The following USPL1 variants were observed in gnomAD, a reference collection of about 807,000 sequenced individuals.
USPL1 encodes the protein ubiquitin specific peptidase like 1.
In USPL1, 27 loss-of-function variants were observed where a neutral mutation model predicts 51.5. The observed-to-expected ratio is 0.52, with a 90% CI of 0.39 to 0.72. The LOEUF is 0.72. Among genes scored for constraint, USPL1 ranks in the 30% least tolerant of loss-of-function variants. USPL1 has a pLI of 0.00. For missense variants in USPL1, 1,226 were observed against 1,268.0 expected, an observed-to-expected ratio of 0.97 and a Z score of 0.50; for synonymous variants, 451 against 459.6, an observed-to-expected ratio of 0.98 and a Z score of 0.24.
At chr13:30,631,722 T>G (rs894917958) in intron 4 of USPL1, among the ~76,000 whole-genome samples, 17 of 152,246 alleles carry the variant, frequency 1.1e-4, no homozygotes, top group Non-Finnish European at 2.2e-4. Flanking sequence ...ATTTCCTGGG[T>G]GCAAGCACCC....
intron 7 of USPL1, among the ~76,000 whole-genome samples, chr13:30,651,575 A>G (rs1951092468): frequency 6.6e-6 from 1 of 152,234 alleles, no homozygotes; most frequent in Non-Finnish European, 1.5e-5. Flanking sequence ...AACTAGTGAG[A>G]TTTCATATTC....
intron 3 of USPL1, among the ~76,000 whole-genome samples, chr13:30,628,285 T>G (rs1261286155): frequency 6.6e-6 from 1 of 152,120 alleles, no homozygotes; most frequent in Non-Finnish European, 1.5e-5. Flanking sequence ...CTTATTTCAC[T>G]TGGCATAATG....
chr13:30,655,179 C>T (rs919898529), intron 8 of USPL1, among the ~76,000 whole-genome samples: 32 of 152,224 alleles, frequency 2.1e-4, no homozygotes, highest in Admixed American at 1.8e-3. Flanking sequence ...TCAGGTGACC[C>T]ACCCGCCTCG....
intron 6 of USPL1, among the ~76,000 whole-genome samples, chr13:30,645,345 C>T (rs984429160): frequency 3.2e-4 from 49 of 152,130 alleles, no homozygotes; most frequent in African/African-American, 1.1e-3. Context: ...AGATAATACA[C>T]GAACACATAA....
At chr13:30,618,574 G>T (rs1478887468) in intron 1 of USPL1, among the ~76,000 whole-genome samples, 1 of 152,132 alleles carries the variant, frequency 6.6e-6, no homozygotes, top group Non-Finnish European at 1.5e-5. Flanking sequence ...TCTCCATTTT[G>T]CACACAGGAG....
At position 30,631,439 on chromosome 13, in the gene USPL1, C is replaced by T. The variant is rs767324836; in HGVS notation, c.833C>T (p.Thr278Ile). The T allele has an allele frequency of 3.7e-6, 6 of 1,614,118 alleles. No individual in the cohort carries two copies. The Admixed American group carries it at 1.0e-4, about 27-fold the overall frequency. Residue 278 changes from threonine (T) to isoleucine (I), a missense_variant, in exon 4 of 9, where the codon ACA becomes ATA. Thr to Ile is a moderately conservative substitution (Grantham distance 89). Transcript: ENST00000255304. The part of the protein sequence containing the change: ...RLLTKYNQAN[T>I]LLYTSQLSGV... The stretch of plus-strand genomic sequence containing the variant: ...CTTACAAAATATAATCAAGCAAATA[C>T]ACTTCTATATACCAGTCAATTGAGT...
At chr13:30,649,334 A>C (rs1467448280) in intron 7 of USPL1, among the ~76,000 whole-genome samples, 1 of 152,170 alleles carries the variant, frequency 6.6e-6, no homozygotes, top group East Asian at 1.9e-4. Flanking sequence ...TGTCTAATGG[A>C]ATTTAGAAAT....
chr13:30,633,784 CAAAAAAAAAAA>C (rs61682331), intron 4 of USPL1, among the ~76,000 whole-genome samples: 11 of 41,274 alleles, frequency 2.7e-4, no homozygotes, highest in Non-Finnish European at 4.1e-4. Flanking sequence ...GACTCTGTCT[CAAAAAAAAAAA>C]AAAAAAAAAA....
At chr13:30,644,758 G>A (rs1950995777) in intron 6 of USPL1, among the ~76,000 whole-genome samples, 1 of 152,086 alleles carries the variant, frequency 6.6e-6, no homozygotes, top group African/African-American at 2.4e-5. Flanking sequence ...CAAAGGGCCT[G>A]TTTTACTCTG....
chr13:30,621,890 C>A lies in USPL1; in HGVS notation c.226C>A (p.Gln76Lys), dbSNP rs199593156. Reference sequence around the variant, plus strand: ...ATCTATCTTTTTGTGTGAGGATCTGCAGGTAAAGTATTAATCTTATATAGT... The same window carrying A: ...ATCTATCTTTTTGTGTGAGGATCTGAAGGTAAAGTATTAATCTTATATAGT... ...QESIFLCEDLQCIYPLGSKSL... is the reference protein window; with the variant it reads ...QESIFLCEDLKCIYPLGSKSL... Residue 76 changes from glutamine to lysine, a missense_variant and splice_region_variant, in exon 3 of 9, where the codon CAG becomes AAG. Gln to Lys is a moderately conservative substitution (Grantham distance 53, BLOSUM62 1). Coordinates refer to ENST00000255304, the MANE Select transcript of USPL1 (RefSeq NM_005800.5). 14 of 1,540,736 alleles carry A rather than the reference C, an allele frequency of 9.1e-6. No homozygotes were observed. Among genetic ancestry groups the A allele is most frequent in the Non-Finnish European group, 1.2e-5 (14 of 1,147,782 alleles).
intron 1 of USPL1, among the ~76,000 whole-genome samples, chr13:30,620,779 A>G (rs1950636683): frequency 6.6e-6 from 1 of 152,132 alleles, no homozygotes; most frequent in Admixed American, 6.5e-5. Context: ...TCTGGTCAAT[A>G]TAGTTTGCTT....
At chr13:30,642,037 G>T (rs1396930890) in intron 5 of USPL1, among the ~76,000 whole-genome samples, 1 of 151,994 alleles carries the variant, frequency 6.6e-6, no homozygotes, top group Non-Finnish European at 1.5e-5. Context: ...CTCCTAAGTA[G>T]CTTGGACTAC....
intron 5 of USPL1, among the ~76,000 whole-genome samples, chr13:30,639,497 A>C (rs1024678434): frequency 2.0e-5 from 3 of 152,024 alleles, no homozygotes; most frequent in African/African-American, 7.2e-5. Context: ...AATTTCTGAC[A>C]TTTCCTCCTC....
intron 4 of USPL1, 45 bp downstream of exon 4, chr13:30,631,519 G>T (rs748117457): frequency 1.3e-6 from 2 of 1,517,922 alleles, no homozygotes; most frequent in Non-Finnish European, 1.8e-6. Context: ...TATTCATCTG[G>T]AGTCAGGGTC....
intron 3 of USPL1, among the ~76,000 whole-genome samples, chr13:30,625,700 C>T (rs1593361685): frequency 1.3e-5 from 2 of 151,978 alleles, no homozygotes; most frequent in African/African-American, 4.8e-5. Flanking sequence ...ACCTCGGCCT[C>T]CCAAAATGCT....
intron 5 of USPL1, among the ~76,000 whole-genome samples, chr13:30,639,148 A>C (rs997359676): frequency 2.0e-5 from 3 of 151,464 alleles, no homozygotes; most frequent in African/African-American, 7.3e-5. Context: ...CTTGGGAGAC[A>C]GAGGTTGCAG....
rs748698101 is a variant in USPL1, at chr13:30,659,264, G to T, written c.3187G>T (p.Asp1063Tyr). Residue 1063 changes from aspartate (D) to tyrosine (Y), a missense_variant, in exon 9 of 9, where the codon GAT becomes TAT. Coordinates refer to ENST00000255304, the MANE Select transcript of USPL1 (RefSeq NM_005800.5). ...GAGTCCGATGAAGACTGATATTTTC[G>T]ATGAGTTTTTTTCCTCCTCAGCATT... ...LESPMKTDIF[D>Y]EFFSSSALNA... 2 of 1,614,072 alleles carry T rather than the reference G, an allele frequency of 1.2e-6. No homozygotes were observed. The highest frequency in any genetic ancestry group is 1.7e-6 in the Non-Finnish European group (2 of 1,180,002).
At chr13:30,651,378 A>G (rs1593390317) in intron 7 of USPL1, among the ~76,000 whole-genome samples, 1 of 152,288 alleles carries the variant, frequency 6.6e-6, no homozygotes, top group South Asian at 2.1e-4. Context: ...TATCTTCTAC[A>G]TCCAGGGAAT....
chr13:30,638,733 T>A (rs1329093099), intron 5 of USPL1, among the ~76,000 whole-genome samples: 1 of 151,492 alleles, frequency 6.6e-6, no homozygotes. Flanking sequence ...TATCAGTGCC[T>A]TCTAGTTTTT....
Sources: allele counts gnomAD v4.1 joint callset (sites outside exome capture counted in the v4.1 genomes callset), GRCh38; gene constraint gnomAD v4.1.1; transcripts MANE v1.5; gene names NCBI Gene and HGNC (gene_info 2026-07-23, HGNC 2026-07-21).